ENDOU: variants seen among roughly 807,000 people sequenced by gnomAD.
ENDOU encodes the protein uridylate-specific endoribonuclease.
ENDOU carries 49 observed loss-of-function variants against 54.2 expected under a neutral mutation model. The observed-to-expected ratio is 0.90, with a 90% confidence interval of 0.72 to 1.15. The LOEUF (loss-of-function observed/expected upper bound fraction) is 1.15. Ranked by LOEUF, ENDOU falls within the 50% of genes most tolerant of loss-of-function variation. ENDOU has a pLI of 0.00. For synonymous variants in ENDOU, 172 were observed against 190.5 expected (o/e 0.90, Z 0.80); for missense variants, 458 against 511.4 (o/e 0.90, Z 1.01).
In ENDOU at chr12:47,716,412, T is replaced by G; in HGVS notation, c.639A>C (p.Thr213=). ...INLLNNYQRA[T]GHGEHFSAQE... ...GGGCACTGAAGTGCTCCCCATGGCC[T>G]GTTGCCCGCTGGTAGTTGTTGAGGA... Residue 213 remains threonine, a synonymous_variant, in exon 6 of 10, where the codon ACA becomes ACC. Transcript: ENST00000422538. 1.2e-6 allele frequency: 2 copies of G among 1,614,184 alleles called. No individual in the cohort carries two copies. The highest frequency in any genetic ancestry group is 1.7e-6 in the Non-Finnish European group (2 of 1,180,030).
At chr12:47,721,226 C>T (rs1940422911) in intron 1 of ENDOU, among the ~76,000 whole-genome samples, 1 of 152,176 alleles carries the variant, frequency 6.6e-6, no homozygotes, top group South Asian at 2.1e-4. Flanking sequence ...CTGAAATTTG[C>T]AGCTGATGCT....
At chr12:47,712,892 G>T (rs1476494512) in intron 7 of ENDOU, among the ~76,000 whole-genome samples, 1 of 152,140 alleles carries the variant, frequency 6.6e-6, no homozygotes, top group Non-Finnish European at 1.5e-5. Context: ...AGCCAGGCTT[G>T]GTGGGAGTTT....
chr12:47,716,339 C>T lies in ENDOU; in HGVS notation c.712G>A (p.Ala238Thr). Residue 238 changes from alanine (A) to threonine (T), a missense_variant, in exon 6 of 10, where the codon GCA becomes ACA. Physicochemically the swap from Ala to Thr is moderately conservative, Grantham distance 58. Transcript: ENST00000422538. ...AAGCTGTAGAGCTCCTTCATGACTG[C>T]TGTCTTCATGATCTCTCTGAGGAAG... Reference protein sequence around the residue: ...DAFLREIMKTAVMKELYSFLH... With the variant: ...DAFLREIMKTTVMKELYSFLH... 6.2e-7 allele frequency: 1 copy of T among 1,614,140 alleles called. No homozygotes were observed. Among genetic ancestry groups the T allele is most frequent in the African/African-American group, 1.3e-5 (1 of 75,052 alleles).
In ENDOU at chr12:47,712,547, A is replaced by C. The variant is rs145477608; in HGVS notation, c.941T>G (p.Val314Gly). Reference protein sequence around the residue: ...RFYLEEKEGLVDYYSHIYDGP... With the variant: ...RFYLEEKEGLGDYYSHIYDGP... ...ATCGTAGATGTGACTGTAATAGTCA[A>C]CCAGACCCTCCTTCTCCTCCAGGTA... Residue 314 changes from valine (V) to glycine (G), a missense_variant, in exon 8 of 10, where the codon GTT (valine) becomes GGT (glycine). By Grantham distance (109) the Val-to-Gly change is moderately radical. Transcript: ENST00000422538. The C allele has an allele frequency of 1.2e-6, 2 of 1,614,140 alleles. No individual in the cohort carries two copies. The highest frequency in any genetic ancestry group is 1.1e-5 in the South Asian group (1 of 91,070).
chr12:47,718,019 C>T (rs531468679), intron 3 of ENDOU, 110 bp downstream of exon 3: 1 of 974,820 alleles, frequency 1.0e-6, no homozygotes, highest in South Asian at 1.5e-5. Flanking sequence ...AAGCCTCTCT[C>T]ATCTGGCTGA....
At position 47,710,725 on chromosome 12, in the gene ENDOU, C is replaced by T. The variant is rs766064590; in HGVS notation, c.*77G>A. 6 of 995,650 alleles carry T rather than the reference C, an allele frequency of 6.0e-6. No homozygotes were observed. In the South Asian group the frequency reaches 6.4e-5, roughly 11 times the overall value. 61.7% of individuals were successfully genotyped at this position (995,650 alleles called of 1,614,324 possible). A position where few individuals can be genotyped will look rare whatever the true frequency, so the allele number is the denominator to read the frequency against. ...TTGGTGATCCCTTCCAGTCCTCTCC[C>T]TCTTCTCTCTAGTCCAGAGAAGATA... On this transcript the variant is annotated 3_prime_UTR_variant, in exon 10 of 10. Coordinates refer to ENST00000422538, the MANE Select transcript of ENDOU (RefSeq NM_001172439.2).
Position 47,716,890 on chromosome 12 carries a change from G to A in ENDOU, c.551C>T (p.Pro184Leu), listed in dbSNP as rs199710154. Residue 184 changes from proline (P) to leucine (L), a missense_variant and splice_region_variant, in exon 5 of 10, where the codon CCA becomes CTA. Pro to Leu is a moderately conservative substitution (Grantham distance 98). Transcript: ENST00000422538. Reference sequence around the variant, plus strand: ...AGAAAGAGGAATTGTGGGAACTCACGGCTTTGGGCAGCGATCCACTTGGTT... The same window carrying A: ...AGAAAGAGGAATTGTGGGAACTCACAGCTTTGGGCAGCGATCCACTTGGTT... Reference protein sequence around the residue: ...TRNQVDRCPKPLFTYVNEKLF... With the variant: ...TRNQVDRCPKLLFTYVNEKLF... 2.7e-4 allele frequency: 442 copies of A among 1,614,032 alleles called. 7 individuals carry two copies. The East Asian group carries it at 8.6e-3, about 31-fold the overall frequency.
Position 47,716,415 on chromosome 12 carries a change from T to G in ENDOU, c.636A>C (p.Ala212=). The change falls in exon 6 of 10, where the codon GCA becomes GCC. Residue 212 remains alanine, a synonymous_variant. Coordinates refer to ENST00000422538, the MANE Select transcript of ENDOU (RefSeq NM_001172439.2). Reference sequence around the variant, plus strand: ...CACTGAAGTGCTCCCCATGGCCTGTTGCCCGCTGGTAGTTGTTGAGGAGGT... The same window carrying G: ...CACTGAAGTGCTCCCCATGGCCTGTGGCCCGCTGGTAGTTGTTGAGGAGGT... ...FINLLNNYQR[A]TGHGEHFSAQ... is the part of the protein sequence containing the mutation. The G allele has an allele frequency of 1.9e-6, 3 of 1,614,198 alleles. No homozygotes were observed. Among genetic ancestry groups the G allele is most frequent in the Non-Finnish European group, 2.5e-6 (3 of 1,180,042 alleles).
Position 47,718,035 on chromosome 12 carries a change from G to A in ENDOU, c.244+94C>T, listed in dbSNP as rs181242903. On this transcript the variant is annotated intron_variant, in intron 3 of 9. Coordinates refer to ENST00000422538, the MANE Select transcript of ENDOU (RefSeq NM_001172439.2). ...AGCCTCTCTCATCTGGCTGAGGCCT[G>A]GGCCTGGTGCCACTGCCATGGCCGC... is the stretch of plus-strand genomic sequence containing the variant. 1.5e-4 allele frequency: 169 copies of A among 1,109,822 alleles called. No individual in the cohort carries two copies. The African/African-American group carries it at 2.4e-3, about 16-fold the overall frequency. The allele number at this position is 1,109,822 out of a possible 1,614,324, so 68.7% of individuals were successfully genotyped here.
At chr12:47,714,740 G>A (rs60045275) in intron 6 of ENDOU, among the ~76,000 whole-genome samples, 4,855 of 152,332 alleles carry the variant, frequency 0.032, 250 homozygotes, top group African/African-American at 0.11. Context: ...ACTAGGTTCT[G>A]TGTGAATATC....
chr12:47,720,864 A>T lies in ENDOU; in HGVS notation c.67T>A (p.Ser23Thr). The change falls in exon 2 of 10, where the codon TCC becomes ACC. Residue 23 changes from serine to threonine, a missense_variant. Physicochemically the swap from Ser to Thr is moderately conservative, Grantham distance 58. Coordinates refer to ENST00000422538, the MANE Select transcript of ENDOU (RefSeq NM_001172439.2). ...TTCTCATTACATCGAGATGCACAGGATTCTATTTTTCCTATGGGCAGTAAA... is the reference window on the plus strand; with the variant it reads ...TTCTCATTACATCGAGATGCACAGGTTTCTATTTTTCCTATGGGCAGTAAA... ...CGLAWAGKIE[S>T]CASRCNEKFN... 6.5e-7 allele frequency: 1 copy of T among 1,536,008 alleles called. No homozygotes were observed. The highest frequency in any genetic ancestry group is 8.7e-7 in the Non-Finnish European group (1 of 1,146,878).
rs973225231 is a variant in ENDOU, at chr12:47,710,580, T to C, written c.*222A>G. 9 of 476,976 alleles carry C rather than the reference T, an allele frequency of 1.9e-5. No individual in the cohort carries two copies. Among genetic ancestry groups the C allele is most frequent in the Non-Finnish European group, 3.5e-5 (9 of 259,714 alleles). The allele number at this position is 476,976 out of a possible 1,614,324, so 29.5% of individuals were successfully genotyped here. A position where few individuals can be genotyped will look rare whatever the true frequency, so the allele number is the denominator to read the frequency against. On this transcript the variant is annotated 3_prime_UTR_variant, in exon 10 of 10. Coordinates refer to ENST00000422538, the MANE Select transcript of ENDOU (RefSeq NM_001172439.2). ...TTGGACTCTGTTTCTTAGTCAACAT[T>C]GCCAAAATTCTAGAGGATAAAGGTT...
chr12:47,716,392 C>G lies in ENDOU; in HGVS notation c.659G>C (p.Ser220Thr), dbSNP rs777603277. 3.1e-6 allele frequency: 5 copies of G among 1,614,210 alleles called. No homozygotes were observed. The highest frequency in any genetic ancestry group is 4.2e-6 in the Non-Finnish European group (5 of 1,180,040). ...GTCCTGCTCGGCCAGCTCCTGGGCA[C>G]TGAAGTGCTCCCCATGGCCTGTTGC... ...QRATGHGEHF[S>T]AQELAEQDAF... Residue 220 changes from serine to threonine, a missense_variant, in exon 6 of 10, where the codon AGT becomes ACT. Transcript: ENST00000422538.
At chr12:47,711,251 C>T (rs1398020052) in intron 9 of ENDOU, among the ~76,000 whole-genome samples, 2 of 152,074 alleles carry the variant, frequency 1.3e-5, no homozygotes, top group East Asian at 1.9e-4. Context: ...TCAACGTGTC[C>T]GAATGTTAGA....
chr12:47,713,246 C>A (rs949606316), intron 7 of ENDOU, 29 bp downstream of exon 7: 1 of 1,472,304 alleles, frequency 6.8e-7, no homozygotes, highest in South Asian at 1.1e-5. Flanking sequence ...ATCCCTCCAA[C>A]TCTTTCTTTC....
chr12:47,713,695 G>A (rs1326587002), intron 6 of ENDOU, among the ~76,000 whole-genome samples: 2 of 141,230 alleles, frequency 1.4e-5, no homozygotes, highest in African/African-American at 5.4e-5. Context: ...GTGCTATGAA[G>A]CAAAGTAGCC....
intron 2 of ENDOU, chr12:47,719,490 T>G (rs981714597): frequency 6.6e-6 from 1 of 152,248 alleles, no homozygotes; most frequent in South Asian, 2.1e-4. Context: ...AATTCCCATG[T>G]GTCACGGGAG....
intron 2 of ENDOU, chr12:47,719,574 T>A (rs1363768949): frequency 1.3e-5 from 2 of 152,140 alleles, no homozygotes; most frequent in Non-Finnish European, 2.9e-5. Context: ...TGAATAAGTC[T>A]CACGATATCT....
In ENDOU at chr12:47,711,706, C is replaced by T; in HGVS notation, c.1042G>A (p.Ala348Thr). ...WDGYYKEVGSAFIGSSPEFEF... is the reference protein window; with the variant it reads ...WDGYYKEVGSTFIGSSPEFEF... ...AACTCAGGGCTGCTGCCGATGAAAG[C>T]AGAGCCCACTTCCTTATAGTAGCCG... The change falls in exon 9 of 10, where the codon GCT (alanine) becomes ACT (threonine). Residue 348 changes from alanine (A) to threonine (T), a missense_variant. Transcript: ENST00000422538. 6.2e-7 allele frequency: 1 copy of T among 1,614,214 alleles called. No individual in the cohort carries two copies. Among genetic ancestry groups the T allele is most frequent in the Non-Finnish European group, 8.5e-7 (1 of 1,180,044 alleles).
Sources: allele counts gnomAD v4.1 joint callset (sites outside exome capture counted in the v4.1 genomes callset), GRCh38; gene constraint gnomAD v4.1.1; transcripts MANE v1.5; gene names NCBI Gene and HGNC (gene_info 2026-07-23, HGNC 2026-07-21).